DPYSL3: variants seen among roughly 807,000 people sequenced by gnomAD.
The protein encoded by DPYSL3 is dihydropyrimidinase like 3, also known as dihydropyrimidinase-related protein 3.
DPYSL3 carries 16 observed loss-of-function variants against 66.1 expected under a neutral mutation model. The ratio of observed to expected loss-of-function variants is 0.24; its 90% CI spans 0.16 to 0.37. The LOEUF is 0.37. DPYSL3 is among the 10% of genes least tolerant of loss of function. The pLI is 1.00. For missense variants in DPYSL3, 738 were observed against 916.2 expected (o/e 0.81, Z 2.51); for synonymous variants, 338 against 345.1 (o/e 0.98, Z 0.23).
In DPYSL3 at chr5:147,394,224, T is replaced by A; in HGVS notation, c.1967-101A>T. 3 of 1,196,494 alleles carry A rather than the reference T, an allele frequency of 2.5e-6. No individual in the cohort carries two copies. In the South Asian group the frequency reaches 3.9e-5, roughly 15 times the overall value. The allele number at this position is 1,196,494 out of a possible 1,614,324, so 74.1% of individuals were successfully genotyped here. A position where few individuals can be genotyped will look rare whatever the true frequency, so the allele number is the denominator to read the frequency against. Reference sequence around the variant, plus strand: ...CTGGGTTAATTTTAAGAGTGCAAGATATGAAGTGCCTTGCTGGCCTCACCT... The same window carrying A: ...CTGGGTTAATTTTAAGAGTGCAAGAAATGAAGTGCCTTGCTGGCCTCACCT... On this transcript the variant is annotated intron_variant, in intron 13 of 13. Coordinates refer to ENST00000343218, the MANE Select transcript of DPYSL3 (RefSeq NM_001197294.2).
intron 7 of DPYSL3, among the ~76,000 whole-genome samples, chr5:147,407,338 A>G (rs926405736): frequency 6.6e-6 from 1 of 152,088 alleles, no homozygotes; most frequent in African/African-American, 2.4e-5. Flanking sequence ...TTTTTACTAA[A>G]AAGGAGACAG....
intron 6 of DPYSL3, among the ~76,000 whole-genome samples, chr5:147,409,498 C>T (rs1751801138): frequency 6.6e-6 from 1 of 152,146 alleles, no homozygotes; most frequent in African/African-American, 2.4e-5. Context: ...AACAGCATTA[C>T]CTAAGTTAGT....
chr5:147,447,926 G>C (rs540435406), intron 1 of DPYSL3, among the ~76,000 whole-genome samples: 73 of 152,264 alleles, frequency 4.8e-4, no homozygotes, highest in African/African-American at 1.4e-3. Context: ...CTGATTAGAT[G>C]CACTGATTTC....
intron 2 of DPYSL3, among the ~76,000 whole-genome samples, chr5:147,424,252 T>C (rs988404291): frequency 1.6e-4 from 25 of 152,176 alleles, no homozygotes; most frequent in African/African-American, 5.8e-4. Flanking sequence ...CACCCAGTCT[T>C]TTACAACATC....
chr5:147,404,490 G>A (rs370911161), intron 8 of DPYSL3, among the ~76,000 whole-genome samples: 2 of 152,194 alleles, frequency 1.3e-5, no homozygotes, highest in East Asian at 1.9e-4. Context: ...CCCATGTTGG[G>A]CCTCTCTACT....
rs570987458 is a variant in DPYSL3, at chr5:147,447,547, T to C, written c.382-22584A>G. Among the ~76,000 whole-genome samples the C allele has an allele frequency of 2.0e-4, 31 of 151,806 alleles. 1 individual carries two copies. The South Asian group carries it at 4.6e-3, about 23-fold the overall frequency. On this transcript the variant is annotated intron_variant, in intron 1 of 13. Transcript: ENST00000343218. ...GTTGAGCATTGATTTGAGGAGGGAG[T>C]AACCAGGGAGCAGTTCGCCTCTCCT... is the stretch of plus-strand genomic sequence containing the variant.
chr5:147,474,242 C>A (rs2126426897), intron 1 of DPYSL3, among the ~76,000 whole-genome samples: 1 of 152,162 alleles, frequency 6.6e-6, no homozygotes, highest in East Asian at 1.9e-4. Flanking sequence ...TTTGTCCTCC[C>A]ATACACATAA....
At chr5:147,453,942 T>C in intron 1 of DPYSL3, 1 of 323,702 alleles carries the variant, frequency 3.1e-6, no homozygotes, top group Non-Finnish European at 5.5e-6. Flanking sequence ...CCTATTGATT[T>C]TCCTCTTTGC....
chr5:147,497,964 C>T (rs1753546549), intron 1 of DPYSL3, among the ~76,000 whole-genome samples: 1 of 151,122 alleles, frequency 6.6e-6, no homozygotes, highest in Admixed American at 6.6e-5. Flanking sequence ...AATTTAAGTT[C>T]AGGGGTACAA....
Position 147,394,032 on chromosome 5 carries a change from T to C in DPYSL3, c.*3A>G, listed in dbSNP as rs1414994738. On this transcript the variant is annotated 3_prime_UTR_variant, in exon 14 of 14. Transcript: ENST00000343218. ...TCTGCCCCTCTCTTTGAGGAAGGCT[T>C]GCTTAACTCAGAGATGTGATATTAG... is the stretch of plus-strand genomic sequence containing the variant. 4 of 1,613,948 alleles carry C rather than the reference T, an allele frequency of 2.5e-6. No homozygotes were observed. Among genetic ancestry groups the C allele is most frequent in the Non-Finnish European group, 2.5e-6 (3 of 1,179,964 alleles).
intron 2 of DPYSL3, among the ~76,000 whole-genome samples, chr5:147,421,376 G>GA (rs548713412): frequency 5.9e-4 from 90 of 151,944 alleles, no homozygotes; most frequent in Non-Finnish European, 9.6e-4. Flanking sequence ...AAACAAATGG[G>GA]AAAAAAATCC....
intron 1 of DPYSL3, among the ~76,000 whole-genome samples, chr5:147,476,769 A>G (rs997719171): frequency 6.6e-6 from 1 of 152,222 alleles, no homozygotes; most frequent in African/African-American, 2.4e-5. Context: ...CCCTCAGGTA[A>G]GTTTGAATTT....
chr5:147,431,741 C>T (rs1323459206), intron 1 of DPYSL3, among the ~76,000 whole-genome samples: 1 of 152,142 alleles, frequency 6.6e-6, no homozygotes, highest in African/African-American at 2.4e-5. Flanking sequence ...CAGCCAAGGT[C>T]AGCCAAGACT....
At chr5:147,446,557 C>T (rs1395236167) in intron 1 of DPYSL3, among the ~76,000 whole-genome samples, 5 of 152,204 alleles carry the variant, frequency 3.3e-5, no homozygotes, top group Non-Finnish European at 7.3e-5. Context: ...GCTTAAAGTG[C>T]TGGGTGTGTC....
At chr5:147,495,931 G>A (rs1053986430) in intron 1 of DPYSL3, among the ~76,000 whole-genome samples, 3 of 152,238 alleles carry the variant, frequency 2.0e-5, no homozygotes, top group African/African-American at 4.8e-5. Flanking sequence ...AAAAGAGCCC[G>A]CATTGCCAAG....
chr5:147,442,702 A>G (rs1409260468), intron 1 of DPYSL3, among the ~76,000 whole-genome samples: 1 of 152,244 alleles, frequency 6.6e-6, no homozygotes, highest in East Asian at 1.9e-4. Flanking sequence ...AAGGAATGTA[A>G]TAATATATAG....
intron 1 of DPYSL3, among the ~76,000 whole-genome samples, chr5:147,477,862 G>C (rs1043598295): frequency 5.7e-4 from 86 of 152,110 alleles, no homozygotes; most frequent in African/African-American, 1.8e-3. Context: ...GATTACAGGC[G>C]TGAGCCACCG....
intron 1 of DPYSL3, among the ~76,000 whole-genome samples, chr5:147,458,130 C>T (rs1284993913): frequency 1.3e-5 from 2 of 152,128 alleles, no homozygotes; most frequent in East Asian, 3.9e-4. Context: ...TAAAATGAGG[C>T]CGAGACCTGA....
chr5:147,509,469 C>A lies in DPYSL3; in HGVS notation c.381+9G>T, dbSNP rs1387623413. The A allele has an allele frequency of 5.3e-6, 8 of 1,497,300 alleles. No individual in the cohort carries two copies. In the Admixed American group the frequency reaches 1.5e-4, roughly 28 times the overall value. The allele number at this position is 1,497,300 out of a possible 1,614,324, so 92.8% of individuals were successfully genotyped here. On this transcript the variant is annotated intron_variant, in intron 1 of 13. Transcript: ENST00000343218. This position sits in a 1 kb window ranked among gnomAD's most constrained non-coding sequence, Gnocchi z 5.3. Reference sequence around the variant, plus strand: ...AGGCAAGGAGGGAAGTGACCCGGGGCCCCCTTACCTTGTCCTTGGGGCCGA... The same window carrying A: ...AGGCAAGGAGGGAAGTGACCCGGGGACCCCTTACCTTGTCCTTGGGGCCGA...
Sources: allele counts gnomAD v4.1 joint callset (sites outside exome capture counted in the v4.1 genomes callset), GRCh38; gene constraint gnomAD v4.1.1; non-coding constraint Gnocchi (gnomAD v3.1); transcripts MANE v1.5; gene names NCBI Gene and HGNC (gene_info 2026-07-23, HGNC 2026-07-21).